GRIP1: variants seen among roughly 807,000 people sequenced by gnomAD.
GRIP1 encodes the protein glutamate receptor interacting protein 1.
Under a neutral mutation model 129.9 loss-of-function variants are expected in GRIP1, and 45 were observed. That is an observed-to-expected ratio of 0.35 (90% confidence interval 0.27 to 0.44). GRIP1 has a LOEUF of 0.44. GRIP1 is among the 20% of genes least tolerant of loss of function. The pLI, the probability that GRIP1 is intolerant of heterozygous loss-of-function variation, is 1.00. For synonymous variants in GRIP1, 530 were observed against 520.8 expected (o/e 1.02, Z -0.24); for missense variants, 1,196 against 1,396.8 (o/e 0.86, Z 2.29).
intron 7 of GRIP1, among the ~76,000 whole-genome samples, chr12:66,506,878 T>TC (rs1459027421): frequency 2.2e-5 from 1 of 44,914 alleles, no homozygotes; most frequent in South Asian, 6.3e-4. Context: ...AAAATAAACC[T>TC]TTTTTTTTCC....
intron 1 of GRIP1, among the ~76,000 whole-genome samples, chr12:66,818,119 C>T (rs936941825): frequency 4.6e-5 from 7 of 152,174 alleles, no homozygotes; most frequent in Non-Finnish European, 7.4e-5. Flanking sequence ...ACATTAATAT[C>T]AGTTGTTCTT....
intron 1 of GRIP1, among the ~76,000 whole-genome samples, chr12:66,880,960 T>A (rs768244259): frequency 6.6e-6 from 1 of 151,778 alleles, no homozygotes; most frequent in Non-Finnish European, 1.5e-5. Context: ...ATACTTGAAG[T>A]CAGGTTTTCA....
intron 16 of GRIP1, among the ~76,000 whole-genome samples, chr12:66,402,820 C>G (rs972601519): frequency 2.0e-5 from 3 of 152,190 alleles, no homozygotes; most frequent in Non-Finnish European, 1.5e-5. Context: ...TTATATCAAA[C>G]TTTCAAAATC....
intron 1 of GRIP1, among the ~76,000 whole-genome samples, chr12:66,649,015 C>T (rs1408933240): frequency 3.3e-5 from 5 of 151,942 alleles, no homozygotes; most frequent in East Asian, 1.9e-4. Context: ...GGTTTTTCAC[C>T]GTATAGGCTC....
intron 1 of GRIP1, among the ~76,000 whole-genome samples, chr12:66,640,721 G>A (rs1201639787): frequency 6.6e-6 from 1 of 152,132 alleles, no homozygotes; most frequent in Non-Finnish European, 1.5e-5. Flanking sequence ...AACTAAGAGA[G>A]AATTATTCAA....
At chr12:66,906,691 C>T (rs1251698809) in intron 1 of GRIP1, among the ~76,000 whole-genome samples, 1 of 152,100 alleles carries the variant, frequency 6.6e-6, no homozygotes, top group Non-Finnish European at 1.5e-5. Context: ...CTGCAAATAA[C>T]CAAAATGGGA....
intron 1 of GRIP1, among the ~76,000 whole-genome samples, chr12:66,876,531 T>C (rs2137173184): frequency 6.6e-6 from 1 of 152,196 alleles, no homozygotes; most frequent in African/African-American, 2.4e-5. Context: ...CTAGATTTTT[T>C]TGACAATAGA....
At chr12:66,530,466 T>C (rs1167516073) in intron 4 of GRIP1, among the ~76,000 whole-genome samples, 1 of 152,196 alleles carries the variant, frequency 6.6e-6, no homozygotes, top group East Asian at 1.9e-4. Context: ...AAAGAAATTC[T>C]AAGTGCATTT....
At chr12:66,775,826 G>GA (rs1418795372) in intron 1 of GRIP1, among the ~76,000 whole-genome samples, 1 of 152,146 alleles carries the variant, frequency 6.6e-6, no homozygotes, top group African/African-American at 2.4e-5. Context: ...TTACTAGGGG[G>GA]AAAAATGGTT....
Position 66,567,397 on chromosome 12 carries a change from A to G in GRIP1, c.137-25447T>C, listed in dbSNP as rs532104582. Among the ~76,000 whole-genome samples, 4 of 152,312 alleles carry G rather than the reference A, an allele frequency of 2.6e-5. No homozygotes were observed. In the South Asian group the frequency reaches 8.3e-4, roughly 32 times the overall value. On this transcript the variant is annotated intron_variant, in intron 2 of 24. Coordinates refer to ENST00000359742, the MANE Select transcript of GRIP1 (RefSeq NM_001366722.1). ...TTCATTATTTACCCAGTAGTCTTCC[A>G]AAACTGACCACATAGTTGGAAGTAA...
At chr12:66,827,212 G>T (rs1356082056) in intron 1 of GRIP1, among the ~76,000 whole-genome samples, 1 of 152,018 alleles carries the variant, frequency 6.6e-6, no homozygotes, top group African/African-American at 2.4e-5. Flanking sequence ...CCATCGAGGG[G>T]CCACCTGGGC....
intron 1 of GRIP1, among the ~76,000 whole-genome samples, chr12:67,025,985 G>C (rs1279082946): frequency 6.6e-6 from 1 of 152,020 alleles, no homozygotes; most frequent in Non-Finnish European, 1.5e-5. Flanking sequence ...GAGGAGTGAA[G>C]GTGCATAGTC....
chr12:66,521,677 C>T (rs148171845), intron 5 of GRIP1, among the ~76,000 whole-genome samples: 3,474 of 152,222 alleles, frequency 0.023, 122 homozygotes, highest in African/African-American at 0.08. Context: ...TGCAGCGCAC[C>T]GGGCGCGAGC....
chr12:66,688,527 A>G (rs911728205), intron 1 of GRIP1, among the ~76,000 whole-genome samples: 15 of 152,166 alleles, frequency 9.9e-5, no homozygotes, highest in African/African-American at 3.4e-4. Context: ...GACTCAGAAA[A>G]CAACAAAGAA....
At chr12:66,430,289 C>T (rs1473788197) in intron 14 of GRIP1, among the ~76,000 whole-genome samples, 1 of 152,126 alleles carries the variant, frequency 6.6e-6, no homozygotes, top group African/African-American at 2.4e-5. Flanking sequence ...CAAAAGTCAG[C>T]GTGGTGGTGA....
At chr12:66,738,752 G>C (rs2036693081) in intron 1 of GRIP1, among the ~76,000 whole-genome samples, 1 of 152,158 alleles carries the variant, frequency 6.6e-6, no homozygotes, top group Non-Finnish European at 1.5e-5. Context: ...AGAAGGAATG[G>C]AAATGGGTGG....
At position 66,721,734 on chromosome 12, in the gene GRIP1, G is replaced by A. The variant is rs180792678; in HGVS notation, c.-420+82319C>T. On this transcript the variant is annotated intron_variant, in intron 1 of 4. Transcript: ENST00000538373. ...TGTCTTCTTCTTCTGATATAAGGCT[G>A]CTTAATCTACAATGAAAATATGTTG... Among the ~76,000 whole-genome samples, 3 of 152,184 alleles carry A rather than the reference G, an allele frequency of 2.0e-5. 1 individual carries two copies. The South Asian group carries it at 6.2e-4, about 31-fold the overall frequency.
chr12:66,430,909 GGT>G (rs1351435540), intron 14 of GRIP1, among the ~76,000 whole-genome samples: 1 of 152,102 alleles, frequency 6.6e-6, no homozygotes, highest in Admixed American at 6.6e-5. Flanking sequence ...CTTAGAGCAT[GGT>G]GGACACTCAG....
intron 1 of GRIP1, among the ~76,000 whole-genome samples, chr12:66,934,367 T>A (rs1279817187): frequency 6.6e-6 from 1 of 152,190 alleles, no homozygotes; most frequent in Non-Finnish European, 1.5e-5. Context: ...TGACCCAGTA[T>A]CTCTACTCCC....
Sources: allele counts gnomAD v4.1 joint callset (sites outside exome capture counted in the v4.1 genomes callset), GRCh38; gene constraint gnomAD v4.1.1; transcripts MANE v1.5; gene names NCBI Gene and HGNC (gene_info 2026-07-23, HGNC 2026-07-21).